Variants in CCDC138 observed in about 807,000 individuals in gnomAD.
CCDC138 encodes the protein coiled-coil domain containing 138.
A neutral mutation model predicts 82.3 loss-of-function variants in CCDC138; 66 were observed. The observed-to-expected ratio is 0.80, with a 90% CI of 0.66 to 0.98. The LOEUF is 0.98. Ranked by LOEUF, CCDC138 falls within the 50% of genes least tolerant of loss-of-function variation. The probability of loss-of-function intolerance (pLI) is 0.00; values close to 1 mark genes in which losing one functional copy is unlikely to be tolerated. For missense variants in CCDC138, 816 were observed against 758.9 expected, an observed-to-expected ratio of 1.08 and a Z score of -0.88; for synonymous variants, 297 against 265.4, an observed-to-expected ratio of 1.12 and a Z score of -1.16.
intron 7 of CCDC138, among the ~76,000 whole-genome samples, chr2:108,806,257 C>T (rs1682864464): frequency 1.3e-5 from 2 of 152,190 alleles, no homozygotes; most frequent in South Asian, 4.1e-4. Context: ...CAGTCTCATT[C>T]TACCACTCTC....
At chr2:108,826,406 T>A (rs1479914028) in intron 10 of CCDC138, among the ~76,000 whole-genome samples, 1 of 152,176 alleles carries the variant, frequency 6.6e-6, no homozygotes, top group Non-Finnish European at 1.5e-5. Context: ...TGTTTAGGCC[T>A]TTGATGCATT....
chr2:108,855,686 G>A (rs549068531), intron 12 of CCDC138, among the ~76,000 whole-genome samples: 1 of 152,158 alleles, frequency 6.6e-6, no homozygotes, highest in Non-Finnish European at 1.5e-5. Context: ...CAGAGGCACA[G>A]ATCTTACTTT....
At chr2:108,844,787 A>T (rs1425092630) in intron 11 of CCDC138, among the ~76,000 whole-genome samples, 2 of 145,960 alleles carry the variant, frequency 1.4e-5, no homozygotes, top group African/African-American at 5.2e-5. Context: ...TTGCTCTGTC[A>T]TCCAGGCTGG....
chr2:108,789,018 CTG>C (rs1558959072), intron 3 of CCDC138, 52 bp downstream of exon 3: 1 of 1,595,236 alleles, frequency 6.3e-7, no homozygotes, highest in Non-Finnish European at 8.6e-7. Flanking sequence ...TCTCAAAAAA[CTG>C]AGAAAGAGAA....
chr2:108,859,470 GC>G (rs1428303659), intron 13 of CCDC138, among the ~76,000 whole-genome samples: 5 of 152,114 alleles, frequency 3.3e-5, no homozygotes, highest in African/African-American at 9.6e-5. Flanking sequence ...TAAATTTTTT[GC>G]CTAGGCCAAT....
downstream of CCDC138, among the ~76,000 whole-genome samples, chr2:108,877,304 C>CA (rs35164335): frequency 0.73 from 108,810 of 149,480 alleles, 42,148 homozygotes; most frequent in East Asian, 0.95. Context: ...CCCGTCTCTA[C>CA]AAAAAAAAAC....
chr2:108,847,222 T>TG (rs1298849859), intron 12 of CCDC138, among the ~76,000 whole-genome samples: 1 of 152,208 alleles, frequency 6.6e-6, no homozygotes, highest in African/African-American at 2.4e-5. Flanking sequence ...AAATTGCTAG[T>TG]TAATTATTTT....
chr2:108,840,788 C>T (rs1328700410), intron 11 of CCDC138, among the ~76,000 whole-genome samples: 1 of 137,778 alleles, frequency 7.3e-6, no homozygotes, highest in Non-Finnish European at 1.5e-5. Context: ...TGTTTCATTT[C>T]TTTTTTTCTT....
chr2:108,870,039 T>A (rs977513616), intron 13 of CCDC138, among the ~76,000 whole-genome samples: 7 of 152,170 alleles, frequency 4.6e-5, no homozygotes, highest in Admixed American at 4.6e-4. Context: ...TAATGAGAAA[T>A]AATGAAATCA....
intron 12 of CCDC138, among the ~76,000 whole-genome samples, chr2:108,851,322 A>G (rs1691451861): frequency 6.6e-6 from 1 of 151,810 alleles, no homozygotes; most frequent in Non-Finnish European, 1.5e-5. Context: ...TGTTTTTGAG[A>G]TGGAGTTTTG....
At chr2:108,803,410 T>C (rs182359240) in intron 6 of CCDC138, among the ~76,000 whole-genome samples, 185 of 152,324 alleles carry the variant, frequency 1.2e-3, no homozygotes, top group African/African-American at 4.4e-3. Context: ...TAGTGGACAT[T>C]TTTTAGAGCT....
At chr2:108,795,999 A>G (rs544166970) in intron 5 of CCDC138, among the ~76,000 whole-genome samples, 85 of 152,328 alleles carry the variant, frequency 5.6e-4, no homozygotes, top group Middle Eastern at 6.8e-3. Context: ...ATAAGAAAAA[A>G]ATGAAGTGCA....
chr2:108,790,134 C>T (rs995119945), intron 3 of CCDC138, among the ~76,000 whole-genome samples: 1 of 151,940 alleles, frequency 6.6e-6, no homozygotes. Context: ...AATAAGTACT[C>T]AAATGTTACC....
intron 9 of CCDC138, among the ~76,000 whole-genome samples, chr2:108,814,901 G>A (rs986949735): frequency 6.6e-6 from 1 of 151,880 alleles, no homozygotes; most frequent in Admixed American, 6.6e-5. Context: ...CTCCCAAAGT[G>A]CTGGGATTAT....
At chr2:108,798,689 T>G (rs1370883963) in intron 6 of CCDC138, 103 bp downstream of exon 6, 8 of 762,332 alleles carry the variant, frequency 1.0e-5, no homozygotes, top group Admixed American at 8.5e-5. Flanking sequence ...CTCCTTCCCT[T>G]CCTCCTCCTC....
chr2:108,866,944 G>A lies in CCDC138; in HGVS notation c.1694-6507G>A, dbSNP rs72935940. 4.7e-3 allele frequency among the ~76,000 whole-genome samples: 711 copies of A among 151,378 alleles called. 7 individuals carry two copies. Among genetic ancestry groups the A allele is most frequent in the African/African-American group, 0.014 (580 of 41,254 alleles). On this transcript the variant is annotated intron_variant, in intron 13 of 14. Transcript: ENST00000295124. The stretch of plus-strand genomic sequence containing the variant: ...ATTATAAATTCCCTTTTCCTCCCCT[G>A]TATTATAAATAGTGCATTATATTGA...
At chr2:108,808,144 T>C (rs998413185) in intron 7 of CCDC138, among the ~76,000 whole-genome samples, 2 of 152,194 alleles carry the variant, frequency 1.3e-5, no homozygotes, top group Admixed American at 6.5e-5. Flanking sequence ...TTGCTGCAAA[T>C]GACAAGATTT....
chr2:108,786,798 G>T lies in CCDC138; in HGVS notation c.-25G>T, dbSNP rs367928075. On this transcript the variant is annotated 5_prime_UTR_variant, in exon 1 of 15. The change creates a premature stop within an existing upstream ORF in the 5' untranslated region. Transcript: ENST00000295124. ...GGGTTTGATGAACGCGGTTCCCGGG[G>T]AGACTGGTACGGTTGCTGTGTGCTA... 133 of 1,570,406 alleles carry T rather than the reference G, an allele frequency of 8.5e-5. No individual in the cohort carries two copies. The highest frequency in any genetic ancestry group is 1.1e-4 in the Non-Finnish European group (130 of 1,156,860).
intron 10 of CCDC138, among the ~76,000 whole-genome samples, chr2:108,829,824 G>A (rs1390797608): frequency 6.6e-6 from 1 of 152,192 alleles, no homozygotes; most frequent in East Asian, 1.9e-4. Flanking sequence ...TTGTTTACTG[G>A]TGATAGGAAT....
Sources: gnomAD v4.1 joint callset for allele counts (sites outside exome capture counted in the v4.1 genomes callset) on GRCh38, gnomAD v4.1.1 for gene constraint, MANE v1.5 for transcripts, NCBI Gene and HGNC (gene_info 2026-07-23, HGNC 2026-07-21) for gene names.